CAPZB: variants seen among roughly 807,000 people sequenced by gnomAD.
CAPZB encodes the protein capping actin protein of muscle Z-line subunit beta, also known as F-actin-capping protein subunit beta.
A neutral mutation model predicts 38.1 loss-of-function variants in CAPZB; 2 were observed. The ratio of observed to expected loss-of-function variants is 0.05; its 90% confidence interval spans 0.02 to 0.17. The LOEUF (loss-of-function observed/expected upper bound fraction) is 0.17. Ranked by LOEUF, CAPZB falls within the 10% of genes least tolerant of loss-of-function variation. The pLI is 1.00. For missense variants in CAPZB, 161 were observed against 334.2 expected, an observed-to-expected ratio of 0.48 and a Z score of 4.04; for synonymous variants, 107 against 127.4, an observed-to-expected ratio of 0.84 and a Z score of 1.08.
intron 2 of CAPZB, among the ~76,000 whole-genome samples, chr1:19,403,611 G>A (rs943157873): frequency 3.9e-5 from 6 of 152,248 alleles, no homozygotes; most frequent in Admixed American, 6.5e-5. Flanking sequence ...TATCCGAAGT[G>A]CATTTTGGCA....
intron 2 of CAPZB, among the ~76,000 whole-genome samples, chr1:19,416,857 T>C: frequency 6.2e-5 from 2 of 32,476 alleles, no homozygotes; most frequent in Non-Finnish European, 4.8e-5. Context: ...CAAGACCCTG[T>C]CTCAAAAAAA....
In CAPZB at chr1:19,450,165, AAAAAG is replaced by A. The variant is rs1558273092; in HGVS notation, c.4-30420_4-30416del. Among the ~76,000 whole-genome samples, 146 of 128,186 alleles carry A rather than the reference AAAAAG, an allele frequency of 1.1e-3. 1 individual carries two copies. Among genetic ancestry groups the A allele is most frequent in the South Asian group, 6.1e-3 (25 of 4,098 alleles). 84.1% of individuals were successfully genotyped at this position (128,186 alleles called of 152,430 possible). A position where few individuals can be genotyped will look rare whatever the true frequency, so the allele number is the denominator to read the frequency against. On this transcript the variant is annotated intron_variant, in intron 1 of 8. Transcript: ENST00000264202. ...TCTCCAAAAAAAAAAAAAAAAAAAA[AAAAAG>A]AAAAGAAAAGAAAAGAAGAAAAAAT...
chr1:19,376,389 GA>G (rs1383444547), intron 4 of CAPZB, among the ~76,000 whole-genome samples: 2 of 152,332 alleles, frequency 1.3e-5, no homozygotes, highest in East Asian at 3.9e-4. Flanking sequence ...TGGCTCCCAA[GA>G]AGCTTACATA....
At chr1:19,388,806 G>A (rs1244141025) in intron 2 of CAPZB, among the ~76,000 whole-genome samples, 1 of 152,302 alleles carries the variant, frequency 6.6e-6, no homozygotes, top group South Asian at 2.1e-4. Flanking sequence ...TGAGCTGCAC[G>A]GAGACAGACC....
intron 3 of CAPZB, among the ~76,000 whole-genome samples, chr1:19,383,068 T>G (rs2094183814): frequency 6.9e-6 from 1 of 145,784 alleles, no homozygotes; most frequent in South Asian, 2.1e-4. Flanking sequence ...TGCTTGAACC[T>G]AGGAGTTCGA....
intron 4 of CAPZB, among the ~76,000 whole-genome samples, chr1:19,374,024 G>A (rs2094132701): frequency 6.6e-6 from 1 of 152,168 alleles, no homozygotes; most frequent in East Asian, 1.9e-4. Context: ...AATGGGTGGG[G>A]GGCAGGCACC....
chr1:19,343,663 C>T (rs2093944951), intron 8 of CAPZB, among the ~76,000 whole-genome samples: 2 of 152,252 alleles, frequency 1.3e-5, no homozygotes, highest in Non-Finnish European at 2.9e-5. Flanking sequence ...TTACTGCCCC[C>T]AGCTGGGCTC....
chr1:19,453,944 A>G (rs2094524942), intron 1 of CAPZB, among the ~76,000 whole-genome samples: 1 of 152,212 alleles, frequency 6.6e-6, no homozygotes, highest in Admixed American at 6.5e-5. Flanking sequence ...GAAGCTAAGG[A>G]CTGGGGCCAC....
intron 2 of CAPZB, among the ~76,000 whole-genome samples, chr1:19,397,942 C>T (rs1359660012): frequency 6.6e-6 from 1 of 152,144 alleles, no homozygotes; most frequent in Non-Finnish European, 1.5e-5. Flanking sequence ...CCCAGAGGGA[C>T]AGACCAACAG....
chr1:19,397,191 T>C (rs577499397), intron 2 of CAPZB, among the ~76,000 whole-genome samples: 7 of 152,358 alleles, frequency 4.6e-5, no homozygotes, highest in Admixed American at 1.3e-4. Flanking sequence ...AAGGGCCTGC[T>C]GTAGGTCATA....
chr1:19,411,681 A>C (rs1036642265), intron 2 of CAPZB, among the ~76,000 whole-genome samples: 1 of 152,232 alleles, frequency 6.6e-6, no homozygotes, highest in Non-Finnish European at 1.5e-5. Context: ...AATTGGATAA[A>C]ATGAGGAACC....
intron 4 of CAPZB, among the ~76,000 whole-genome samples, chr1:19,372,849 T>A (rs1476576536): frequency 6.6e-6 from 1 of 151,924 alleles, no homozygotes. Flanking sequence ...CAGAAAACCA[T>A]CTTGGGGCTT....
rs1400345623 is a variant in CAPZB, at chr1:19,357,720, G to A, written c.330-157C>T. On this transcript the variant is annotated intron_variant, in intron 4 of 8. Coordinates refer to ENST00000264202, the MANE Select transcript of CAPZB (RefSeq NM_004930.5). The surrounding 1 kb of genome is among the most constrained non-coding windows in gnomAD (Gnocchi z 4.3). ...GGTGTGTTCTGATCGTTCTGTGGCT[G>A]GGGGAGGGGGTGCAGCATTCCTGGG... Among the ~76,000 whole-genome samples the A allele has an allele frequency of 6.6e-6, 1 of 152,072 alleles. No homozygotes were observed. Among genetic ancestry groups the A allele is most frequent in the Non-Finnish European group, 1.5e-5 (1 of 68,002 alleles).
intron 3 of CAPZB, among the ~76,000 whole-genome samples, chr1:19,381,511 T>C (rs1159372103): frequency 6.6e-6 from 1 of 152,016 alleles, no homozygotes; most frequent in Non-Finnish European, 1.5e-5. Flanking sequence ...GTGTTCCACT[T>C]CTCCAAACCA....
intron 1 of CAPZB, among the ~76,000 whole-genome samples, chr1:19,452,095 G>A (rs1284948933): frequency 6.6e-6 from 1 of 151,884 alleles, no homozygotes; most frequent in African/African-American, 2.4e-5. Context: ...AGACTTACCT[G>A]GCCAGTCCTC....
chr1:19,353,602 C>T (rs1172737971), intron 6 of CAPZB, among the ~76,000 whole-genome samples: 1 of 152,176 alleles, frequency 6.6e-6, no homozygotes, highest in Admixed American at 6.5e-5. Flanking sequence ...TGTCATCTCT[C>T]TCCTTGATGA....
chr1:19,474,029 T>A (rs1431169296), intron 1 of CAPZB, among the ~76,000 whole-genome samples: 1 of 151,904 alleles, frequency 6.6e-6, no homozygotes, highest in East Asian at 1.9e-4. Flanking sequence ...AGGGTCTCAC[T>A]CCATCACCCA....
chr1:19,436,436 C>T (rs1458772801), intron 1 of CAPZB, among the ~76,000 whole-genome samples: 1 of 151,938 alleles, frequency 6.6e-6, no homozygotes, highest in Admixed American at 6.6e-5. Context: ...TCAGATATGC[C>T]GAAGTGAAGA....
At chr1:19,387,588 C>A (rs916667251) in intron 2 of CAPZB, among the ~76,000 whole-genome samples, 1 of 152,210 alleles carries the variant, frequency 6.6e-6, no homozygotes, top group Admixed American at 6.5e-5. Context: ...TTGCCTGGAA[C>A]CCATTCTCTC....
Sources: allele counts gnomAD v4.1 joint callset (sites outside exome capture counted in the v4.1 genomes callset), GRCh38; gene constraint gnomAD v4.1.1; non-coding constraint Gnocchi (gnomAD v3.1); transcripts MANE v1.5; gene names NCBI Gene and HGNC (gene_info 2026-07-23, HGNC 2026-07-21).